Variants in NXN observed in about 807,000 individuals in gnomAD.
The protein encoded by NXN is nucleoredoxin.
A neutral mutation model predicts 48.6 loss-of-function variants in NXN; 16 were observed. That is an observed-to-expected ratio of 0.33 (90% confidence interval 0.22 to 0.50). NXN has a LOEUF of 0.50. Among genes scored for constraint, NXN ranks in the 20% least tolerant of loss-of-function variants. NXN has a pLI of 0.98. For synonymous variants in NXN, 281 were observed against 269.6 expected, an observed-to-expected ratio of 1.04 and a Z score of -0.41; for missense variants, 492 against 605.5, an observed-to-expected ratio of 0.81 and a Z score of 1.97.
At position 915,948 on chromosome 17, in the gene NXN, G is replaced by A. The variant is rs143355815; in HGVS notation, c.360+63371C>T. On this transcript the variant is annotated intron_variant, in intron 1 of 7. Transcript: ENST00000336868. ...CTAGAGTTTTGGTCTCCAAGCAATC[G>A]GTTCTGTGTTTTTGTTTGTAGGCTC... Among the ~76,000 whole-genome samples the A allele has an allele frequency of 2.9e-3, 433 of 151,710 alleles. 3 individuals are homozygous for A. The highest frequency in any genetic ancestry group is 0.01 in the African/African-American group (416 of 41,180).
intron 1 of NXN, among the ~76,000 whole-genome samples, chr17:899,592 G>A (rs918641918): frequency 2.0e-5 from 3 of 152,164 alleles, no homozygotes; most frequent in Non-Finnish European, 2.9e-5. Context: ...AGGAATTAGC[G>A]CTGAGCCTTA....
chr17:832,407 C>G (rs983978062), intron 1 of NXN, among the ~76,000 whole-genome samples: 2 of 151,134 alleles, frequency 1.3e-5, no homozygotes, highest in African/African-American at 4.9e-5. Flanking sequence ...AGGATGGTCT[C>G]GATCTCCTGA....
chr17:979,712 A>AC lies in NXN; in HGVS notation c.-35dup. The AC allele has an allele frequency of 7.5e-7, 1 of 1,324,712 alleles. No homozygotes were observed. Among genetic ancestry groups the AC allele is most frequent in the Non-Finnish European group, 9.6e-7 (1 of 1,037,928 alleles). 82.1% of individuals were successfully genotyped at this position (1,324,712 alleles called of 1,614,324 possible). On this transcript the variant is annotated 5_prime_UTR_variant, in exon 1 of 8. Coordinates refer to ENST00000336868, the MANE Select transcript of NXN (RefSeq NM_022463.5). ...ACCGCAGGGCGGGCAGGCGGCTGCG[A>AC]CCCCGCTCCACGGTCCGCGCGGCGG...
At chr17:942,086 CT>C (rs2068982097) in intron 1 of NXN, among the ~76,000 whole-genome samples, 1 of 78,480 alleles carries the variant, frequency 1.3e-5, no homozygotes. Flanking sequence ...CACCAAACAC[CT>C]TCCTGGATTT....
At chr17:924,392 T>C (rs904765897) in intron 1 of NXN, among the ~76,000 whole-genome samples, 8 of 152,296 alleles carry the variant, frequency 5.3e-5, no homozygotes, top group East Asian at 1.9e-4. Flanking sequence ...CGTGAGCCAC[T>C]ACGTCCGGCT....
At chr17:803,644 T>C (rs1238027210) in intron 7 of NXN, 38 bp downstream of exon 7, 7 of 1,613,308 alleles carry the variant, frequency 4.3e-6, no homozygotes, top group Non-Finnish European at 5.9e-6. Context: ...AAGTCCCAGC[T>C]GAGCCAGCCC....
rs1163213274 is a variant in NXN, at chr17:849,947, A to G, written c.361-23869T>C. The stretch of plus-strand genomic sequence containing the variant: ...GAGAGCGACCTGCTCCTGAAACCCC[A>G]GGCTGGTCCCTCCGCATCCCAGCTG... On this transcript the variant is annotated intron_variant, in intron 1 of 7. Transcript: ENST00000336868. This position sits in a 1 kb window ranked among gnomAD's most constrained non-coding sequence, Gnocchi z 4.2. Among the ~76,000 whole-genome samples the G allele has an allele frequency of 6.6e-6, 1 of 152,034 alleles. No individual in the cohort carries two copies. Among genetic ancestry groups the G allele is most frequent in the African/African-American group, 2.4e-5 (1 of 41,384 alleles).
chr17:813,440 G>A (rs758257645), intron 5 of NXN, among the ~76,000 whole-genome samples: 23 of 152,346 alleles, frequency 1.5e-4, no homozygotes, highest in African/African-American at 4.1e-4. Flanking sequence ...CCATCGACGC[G>A]GACGGAATGC....
Position 825,005 on chromosome 17 carries a change from G to A in NXN, c.478+956C>T, listed in dbSNP as rs1464022706. 5.3e-5 allele frequency among the ~76,000 whole-genome samples: 8 copies of A among 152,142 alleles called. No homozygotes were observed. The highest frequency in any genetic ancestry group is 3.9e-4 in the East Asian group (2 of 5,188). ...AGCACTTTGGGAGGCCGAGGTGGGC[G>A]GATTGCTTGAGCTCAAAAGTTTTGA... On this transcript the variant is annotated intron_variant, in intron 2 of 7. Coordinates refer to ENST00000336868, the MANE Select transcript of NXN (RefSeq NM_022463.5). The surrounding 1 kb of genome is among the most constrained non-coding windows in gnomAD (Gnocchi z 4.1).
chr17:972,637 G>T (rs2069399575), intron 1 of NXN, among the ~76,000 whole-genome samples: 1 of 152,144 alleles, frequency 6.6e-6, no homozygotes, highest in South Asian at 2.1e-4. Flanking sequence ...GATCCCCAAG[G>T]GGTTTGTTCA....
chr17:818,821 C>T (rs1157560974), intron 5 of NXN, among the ~76,000 whole-genome samples: 2 of 150,324 alleles, frequency 1.3e-5, no homozygotes, highest in African/African-American at 5.0e-5. Context: ...GGAGGCGGAG[C>T]TTGCAGTGAG....
chr17:847,095 A>G (rs1013835079), intron 1 of NXN, among the ~76,000 whole-genome samples: 1 of 152,158 alleles, frequency 6.6e-6, no homozygotes, highest in African/African-American at 2.4e-5. Flanking sequence ...AAGAGCAGGA[A>G]GTGTGGTTGG....
At chr17:959,273 T>G in intron 1 of NXN, 1 of 491,280 alleles carries the variant, frequency 2.0e-6, no homozygotes, top group Non-Finnish European at 3.3e-6. Flanking sequence ...TTCCCCTCCA[T>G]GACTCCTGGA....
At chr17:810,240 ACGTTACGAGTCTGTGAGTGG>A (rs1368785881) in intron 5 of NXN, among the ~76,000 whole-genome samples, 7 of 122,320 alleles carry the variant, frequency 5.7e-5, no homozygotes, top group East Asian at 2.6e-4. Context: ...AGTGGCGTGC[ACGTTACGAGTCTGTGAGTGG>A]CGTGCACGTT....
intron 1 of NXN, among the ~76,000 whole-genome samples, chr17:962,405 C>T (rs934747662): frequency 2.6e-5 from 4 of 151,992 alleles, no homozygotes; most frequent in African/African-American, 7.3e-5. Flanking sequence ...CGGTGACTCA[C>T]GCCTGTAATC....
intron 1 of NXN, among the ~76,000 whole-genome samples, chr17:901,545 T>C (rs1048652268): frequency 6.6e-6 from 1 of 152,066 alleles, no homozygotes; most frequent in Non-Finnish European, 1.5e-5. Context: ...ACAACAGTCA[T>C]GGGATTCAAG....
In NXN at chr17:917,286, C is replaced by T. The variant is rs867420055; in HGVS notation, c.360+62033G>A. 7.2e-5 allele frequency among the ~76,000 whole-genome samples: 11 copies of T among 152,188 alleles called. No individual in the cohort carries two copies. Among genetic ancestry groups the T allele is most frequent in the Admixed American group, 2.0e-4 (3 of 15,272 alleles). Reference sequence around the variant, plus strand: ...CCTCCCGAGCAGCTGGGACTACAGGCGCCCGCCACCATGCCCAGCTAATTT... The same window carrying T: ...CCTCCCGAGCAGCTGGGACTACAGGTGCCCGCCACCATGCCCAGCTAATTT... On this transcript the variant is annotated intron_variant, in intron 1 of 7. Coordinates refer to ENST00000336868, the MANE Select transcript of NXN (RefSeq NM_022463.5). This position sits in a 1 kb window ranked among gnomAD's most constrained non-coding sequence, Gnocchi z 4.5.
intron 1 of NXN, among the ~76,000 whole-genome samples, chr17:966,483 GAT>G (rs1452244131): frequency 6.6e-6 from 1 of 152,066 alleles, no homozygotes; most frequent in Non-Finnish European, 1.5e-5. Context: ...GAGTAGTTGG[GAT>G]TGCAGGCATG....
At chr17:886,792 A>C (rs2068353382) in intron 1 of NXN, among the ~76,000 whole-genome samples, 1 of 151,870 alleles carries the variant, frequency 6.6e-6, no homozygotes, top group Non-Finnish European at 1.5e-5. Flanking sequence ...AAAAAAAAAA[A>C]ATAGAAATAA....
Sources: allele counts gnomAD v4.1 joint callset (sites outside exome capture counted in the v4.1 genomes callset), GRCh38; gene constraint gnomAD v4.1.1; non-coding constraint Gnocchi (gnomAD v3.1); transcripts MANE v1.5; gene names NCBI Gene and HGNC (gene_info 2026-07-23, HGNC 2026-07-21).